Variants in MGAT4C observed in about 807,000 individuals in gnomAD.
MGAT4C encodes alpha-1,3-mannosyl-glycoprotein 4-beta-N-acetylglucosaminyltransferase C.
MGAT4C carries 19 observed loss-of-function variants against 40.1 expected under a neutral mutation model. The observed-to-expected ratio is 0.47, with a 90% confidence interval of 0.33 to 0.70. MGAT4C has a LOEUF of 0.70. MGAT4C is among the 30% of genes least tolerant of loss of function. The pLI is 0.02. For missense variants in MGAT4C, 491 were observed against 563.2 expected, an observed-to-expected ratio of 0.87 and a Z score of 1.30; for synonymous variants, 181 against 187.1, an observed-to-expected ratio of 0.97 and a Z score of 0.27.
chr12:86,818,574 T>C (rs988770846), intron 1 of MGAT4C, among the ~76,000 whole-genome samples: 15 of 151,090 alleles, frequency 9.9e-5, no homozygotes, highest in African/African-American at 3.4e-4. Context: ...ATTGATAGAA[T>C]TCTTGTCTAT....
At chr12:86,133,241 C>T (rs987686358) in intron 1 of MGAT4C, among the ~76,000 whole-genome samples, 3 of 152,196 alleles carry the variant, frequency 2.0e-5, no homozygotes, top group African/African-American at 7.2e-5. Context: ...GATTAGATTG[C>T]TCTTTAATTG....
intron 2 of MGAT4C, among the ~76,000 whole-genome samples, chr12:86,690,086 G>A (rs1950148551): frequency 1.3e-5 from 2 of 152,234 alleles, no homozygotes; most frequent in East Asian, 1.9e-4. Flanking sequence ...CACCCAATTC[G>A]AACTTCCCAG....
intron 2 of MGAT4C, among the ~76,000 whole-genome samples, chr12:86,505,312 C>A (rs1473296380): frequency 1.3e-5 from 2 of 152,174 alleles, no homozygotes; most frequent in African/African-American, 4.8e-5. Context: ...CTTCCATATC[C>A]ATTTCCTTTC....
intron 2 of MGAT4C, among the ~76,000 whole-genome samples, chr12:86,691,308 C>T (rs1950169485): frequency 6.6e-6 from 1 of 152,148 alleles, no homozygotes; most frequent in African/African-American, 2.4e-5. Flanking sequence ...AAGCAATACT[C>T]CCAAGAGAAA....
At chr12:86,780,980 G>C (rs539293281) in intron 1 of MGAT4C, among the ~76,000 whole-genome samples, 1 of 151,676 alleles carries the variant, frequency 6.6e-6, no homozygotes, top group Admixed American at 6.6e-5. Context: ...TGCCGCAAAA[G>C]ACACGATTTC....
At chr12:86,592,998 T>C (rs1961390896) in intron 2 of MGAT4C, among the ~76,000 whole-genome samples, 1 of 152,098 alleles carries the variant, frequency 6.6e-6, no homozygotes, top group Non-Finnish European at 1.5e-5. Flanking sequence ...TCATACTTAA[T>C]ATTGGCACTG....
chr12:85,972,086 T>C lies in MGAT4C; in HGVS notation c.*7203A>G, dbSNP rs1427944268. The C allele has an allele frequency of 2.6e-5, 4 of 151,178 alleles. No individual in the cohort carries two copies. The highest frequency in any genetic ancestry group is 6.6e-5 in the Admixed American group (1 of 15,118). 9.4% of individuals were successfully genotyped at this position (151,178 alleles called of 1,614,324 possible). ...TTACAGACAATTCATATATATGTCT[T>C]GAAAATCTTCTTGACAATTTGTGAC... On this transcript the variant is annotated 3_prime_UTR_variant, in exon 5 of 5. Transcript: ENST00000611864.
intron 3 of MGAT4C, among the ~76,000 whole-genome samples, chr12:86,364,352 T>G (rs1160898487): frequency 6.6e-6 from 1 of 152,188 alleles, no homozygotes; most frequent in East Asian, 1.9e-4. Context: ...TTCTGGGGAC[T>G]AAGCATAATT....
chr12:86,355,092 C>T (rs1036725808), intron 3 of MGAT4C, among the ~76,000 whole-genome samples: 3 of 152,110 alleles, frequency 2.0e-5, no homozygotes, highest in Admixed American at 6.6e-5. Context: ...CTGATTGGTG[C>T]GTTTTTACAG....
At chr12:86,108,144 AC>A (rs1876555728) in intron 1 of MGAT4C, among the ~76,000 whole-genome samples, 1 of 152,064 alleles carries the variant, frequency 6.6e-6, no homozygotes, top group Non-Finnish European at 1.5e-5. Flanking sequence ...GGCCAAGGGG[AC>A]CCCAGAAAAG....
At chr12:86,237,393 C>T (rs1462976310) in intron 1 of MGAT4C, among the ~76,000 whole-genome samples, 3 of 151,336 alleles carry the variant, frequency 2.0e-5, no homozygotes, top group African/African-American at 4.8e-5. Flanking sequence ...AACACAGTAC[C>T]GAGCATGCTT....
In MGAT4C at chr12:86,623,373, T is replaced by G. The variant is rs549724746; in HGVS notation, c.-229+103836A>C. Among the ~76,000 whole-genome samples the G allele has an allele frequency of 2.2e-4, 34 of 152,242 alleles. No homozygotes were observed. The Middle Eastern group carries it at 0.01, about 46-fold the overall frequency. Reference sequence around the variant, plus strand: ...ACTCAAGCATAGGTAACATAAAGAATAGTAACTAACAACAGGTCCATCTGA... The same window carrying G: ...ACTCAAGCATAGGTAACATAAAGAAGAGTAACTAACAACAGGTCCATCTGA... On this transcript the variant is annotated intron_variant, in intron 2 of 7. Coordinates refer to the MGAT4C transcript ENST00000548651.
At chr12:86,381,405 C>G (rs768992617) in intron 3 of MGAT4C, among the ~76,000 whole-genome samples, 1 of 152,116 alleles carries the variant, frequency 6.6e-6, no homozygotes, top group African/African-American at 2.4e-5. Flanking sequence ...AGCCTTACGA[C>G]CCGGGGAGGT....
At chr12:86,649,659 A>G (rs899379088) in intron 2 of MGAT4C, among the ~76,000 whole-genome samples, 7 of 151,942 alleles carry the variant, frequency 4.6e-5, no homozygotes, top group Middle Eastern at 3.4e-3. Context: ...TCCCTGGCCA[A>G]GAGCCAGATT....
intron 1 of MGAT4C, among the ~76,000 whole-genome samples, chr12:86,732,453 G>A (rs1471463893): frequency 1.3e-5 from 2 of 152,048 alleles, no homozygotes; most frequent in African/African-American, 4.8e-5. Context: ...AGAATCAGTG[G>A]GAGCCCTGAG....
At chr12:86,704,789 C>T (rs1258864256) in intron 2 of MGAT4C, among the ~76,000 whole-genome samples, 1 of 152,098 alleles carries the variant, frequency 6.6e-6, no homozygotes, top group Non-Finnish European at 1.5e-5. Flanking sequence ...AGGAGTGTAA[C>T]ACATGATATA....
intron 4 of MGAT4C, among the ~76,000 whole-genome samples, chr12:86,291,854 T>A (rs749845711): frequency 1.3e-5 from 2 of 152,146 alleles, no homozygotes; most frequent in African/African-American, 2.4e-5. Context: ...GTGGAAGATA[T>A]GAAAAATAGC....
At chr12:86,258,056 T>C (rs1476054189), upstream of MGAT4C, among the ~76,000 whole-genome samples, 1 of 152,002 alleles carries the variant, frequency 6.6e-6, no homozygotes, top group Non-Finnish European at 1.5e-5. Flanking sequence ...AACAATCAAA[T>C]GCGTTAATTT....
At chr12:86,164,038 G>T (rs1291010741) in intron 1 of MGAT4C, among the ~76,000 whole-genome samples, 1 of 152,184 alleles carries the variant, frequency 6.6e-6, no homozygotes, top group African/African-American at 2.4e-5. Context: ...ATGATAGTTA[G>T]AATTAAATAA....
Sources: gnomAD v4.1 joint callset for allele counts (sites outside exome capture counted in the v4.1 genomes callset) on GRCh38, gnomAD v4.1.1 for gene constraint, MANE v1.5 for transcripts, NCBI Gene and HGNC (gene_info 2026-07-23, HGNC 2026-07-21) for gene names.